The following OTUD4 variants were observed in gnomAD, a reference collection of about 807,000 sequenced individuals.
OTUD4 encodes OTU domain-containing protein 4.
OTUD4 carries 24 observed loss-of-function variants against 130.4 expected under a neutral mutation model. The ratio of observed to expected loss-of-function variants is 0.18; its 90% CI spans 0.13 to 0.26. The LOEUF is 0.26. Among genes scored for constraint, OTUD4 ranks in the 10% least tolerant of loss-of-function variants. The probability of loss-of-function intolerance (pLI) is 1.00; values close to 1 mark genes in which losing one functional copy is unlikely to be tolerated. For missense variants in OTUD4, 1,031 were observed against 1,329.4 expected (o/e 0.78, Z 3.49); for synonymous variants, 420 against 472.5 (o/e 0.89, Z 1.44).
intron 19 of OTUD4, 63 bp downstream of exon 19, chr4:145,141,316 C>T: frequency 6.9e-7 from 1 of 1,443,822 alleles, no homozygotes; most frequent in Non-Finnish European, 9.3e-7. Context: ...TACATCTCTT[C>T]ATTTCTTAAC....
intron 13 of OTUD4, chr4:145,149,441 A>C (rs1750967734): frequency 1.3e-5 from 2 of 152,224 alleles, no homozygotes; most frequent in Non-Finnish European, 2.9e-5. Context: ...CAACAGCCCC[A>C]AGAAACTAAA....
intron 1 of OTUD4, among the ~76,000 whole-genome samples, chr4:145,177,179 G>C (rs1752468186): frequency 6.6e-6 from 1 of 152,224 alleles, no homozygotes; most frequent in Admixed American, 6.5e-5. Context: ...AGTGTCATCT[G>C]ATAGGGCTTT....
At chr4:145,167,806 T>C (rs1289642041) in intron 3 of OTUD4, among the ~76,000 whole-genome samples, 1 of 152,120 alleles carries the variant, frequency 6.6e-6, no homozygotes, top group Non-Finnish European at 1.5e-5. Flanking sequence ...TGCAGTGAGC[T>C]GAGATTACAC....
chr4:145,158,537 T>C (rs2126776936), intron 7 of OTUD4, among the ~76,000 whole-genome samples: 1 of 151,510 alleles, frequency 6.6e-6, no homozygotes, highest in Admixed American at 6.6e-5. Flanking sequence ...TCAAGAGATA[T>C]ACATATATTT....
At chr4:145,172,729 G>A (rs1752238995) in intron 2 of OTUD4, among the ~76,000 whole-genome samples, 1 of 151,842 alleles carries the variant, frequency 6.6e-6, no homozygotes, top group Non-Finnish European at 1.5e-5. Context: ...ATGTCAAATT[G>A]CCAAAAATAT....
chr4:145,160,857 T>C (rs957435726), intron 6 of OTUD4, among the ~76,000 whole-genome samples: 1 of 151,194 alleles, frequency 6.6e-6, no homozygotes, highest in Non-Finnish European at 1.5e-5. Context: ...TGCCTGTAAT[T>C]CCAGCACTTT....
rs1417476248 is a variant in OTUD4, at chr4:145,180,214, C to G, written c.-241G>C. On this transcript the variant is annotated 5_prime_UTR_variant, in exon 1 of 21. Coordinates refer to ENST00000447906, the MANE Select transcript of OTUD4 (RefSeq NM_001366057.1). ...CCTCCTCGGAGCGAACACGCGCCCA[C>G]GACAAACGGGGGGAGCGGGATTAAG... 6.0e-6 allele frequency: 1 copy of G among 165,418 alleles called. No homozygotes were observed. The highest frequency in any genetic ancestry group is 6.4e-5 in the Admixed American group (1 of 15,742). 10.2% of individuals were successfully genotyped at this position (165,418 alleles called of 1,614,324 possible). A position where few individuals can be genotyped will look rare whatever the true frequency, so the allele number is the denominator to read the frequency against.
At chr4:145,147,408 T>C (rs1018465429) in intron 13 of OTUD4, among the ~76,000 whole-genome samples, 6 of 152,128 alleles carry the variant, frequency 3.9e-5, no homozygotes, top group Admixed American at 3.9e-4. Flanking sequence ...TTTAGACCAA[T>C]CCTTCCCAAA....
At position 145,144,230 on chromosome 4, in the gene OTUD4, GTTCT is replaced by G. The variant is rs543478186; in HGVS notation, c.1546+77_1546+80del. On this transcript the variant is annotated intron_variant, in intron 15 of 20. Transcript: ENST00000447906. ...TAAACTACTTAACAACTTAAAAAGGGTTCTTTCCCAAATATATGACATTAAGCCA... is the reference window on the plus strand; with the variant it reads ...TAAACTACTTAACAACTTAAAAAGGGTTCCCAAATATATGACATTAAGCCA... 474 of 1,457,536 alleles carry G rather than the reference GTTCT, an allele frequency of 3.3e-4. 1 individual carries two copies. The African/African-American group carries it at 6.0e-3, about 18-fold the overall frequency. The allele number at this position is 1,457,536 out of a possible 1,614,324, so 90.3% of individuals were successfully genotyped here.
chr4:145,142,997 C>CT (rs1420318651), intron 17 of OTUD4, among the ~76,000 whole-genome samples: 1 of 152,086 alleles, frequency 6.6e-6, no homozygotes, highest in Admixed American at 6.5e-5. Flanking sequence ...GCAGATAACT[C>CT]TTTTAAATTT....
intron 7 of OTUD4, among the ~76,000 whole-genome samples, chr4:145,158,632 C>T (rs760203189): frequency 6.6e-6 from 1 of 152,106 alleles, no homozygotes; most frequent in Non-Finnish European, 1.5e-5. Context: ...TGTAACATAC[C>T]AAGTACAATC....
At chr4:145,165,804 C>T (rs1184030285) in intron 3 of OTUD4, among the ~76,000 whole-genome samples, 1 of 152,106 alleles carries the variant, frequency 6.6e-6, no homozygotes, top group East Asian at 1.9e-4. Flanking sequence ...AAGGCAAGGG[C>T]TATCCTCCAG....
In OTUD4 at chr4:145,138,322, G is replaced by A. The variant is rs371883669; in HGVS notation, c.2453C>T (p.Thr818Ile). 60 of 1,614,016 alleles carry A rather than the reference G, an allele frequency of 3.7e-5. No homozygotes were observed. The highest frequency in any genetic ancestry group is 5.1e-5 in the Non-Finnish European group (60 of 1,180,008). Reference sequence around the variant, plus strand: ...ATCAGCATGCAGAAGCTGCCCAGGGGTCTCAGATTCAAGATCAGCCTGGTA... The same window carrying A: ...ATCAGCATGCAGAAGCTGCCCAGGGATCTCAGATTCAAGATCAGCCTGGTA... The part of the protein sequence containing the change: ...LSYQADLESE[T>I]PGQLLHADYE... Residue 818 changes from threonine (T) to isoleucine (I), a missense_variant, in exon 21 of 21, where the codon ACC (threonine) becomes ATC (isoleucine). Physicochemically the swap from Thr to Ile is moderately conservative, Grantham distance 89. Around this residue, in one of 3 missense-constraint regions of OTUD4, gnomAD observed 900 missense variants for 1,095.9 expected, o/e 0.82. Transcript: ENST00000447906.
chr4:145,142,017 A>G (rs1750589948), intron 18 of OTUD4, among the ~76,000 whole-genome samples, 179 bp downstream of exon 18: 1 of 152,222 alleles, frequency 6.6e-6, no homozygotes, highest in Non-Finnish European at 1.5e-5. Flanking sequence ...AGATGAATAC[A>G]ACACCAAATG....
chr4:145,142,354 G>T lies in OTUD4; in HGVS notation c.1684-20C>A, dbSNP rs752698450. 1 of 1,609,198 alleles carries T rather than the reference G, an allele frequency of 6.2e-7. No homozygotes were observed. The highest frequency in any genetic ancestry group is 1.1e-5 in the South Asian group (1 of 90,334). ...TGGCTTCTTCAAGAAAGGGGTGAGTGGGGGAAGACAGAAAAAGACAAGAGG... is the reference window on the plus strand; with the variant it reads ...TGGCTTCTTCAAGAAAGGGGTGAGTTGGGGAAGACAGAAAAAGACAAGAGG... On this transcript the variant is annotated intron_variant, in intron 17 of 20. Transcript: ENST00000447906.
intron 3 of OTUD4, among the ~76,000 whole-genome samples, chr4:145,167,889 C>T (rs1367844427): frequency 6.6e-6 from 1 of 151,868 alleles, no homozygotes; most frequent in Non-Finnish European, 1.5e-5. Flanking sequence ...AAATTCTATC[C>T]ATCTCAACAA....
In OTUD4 at chr4:145,143,401, C is replaced by T; in HGVS notation, c.1647G>A (p.Lys549=). The change falls in exon 17 of 21, where the codon AAG becomes AAA. Residue 549 remains lysine (K), a synonymous_variant. Transcript: ENST00000447906. The stretch of plus-strand genomic sequence containing the variant: ...GAGAAGGGCACTCTAACTTCTTTGA[C>T]TTTGATGGTGATGAAACTGTTGCAT... ...DKYATVSSPS[K]SKKLECPSPA... The T allele has an allele frequency of 6.2e-7, 1 of 1,611,572 alleles. No homozygotes were observed. Among genetic ancestry groups the T allele is most frequent in the Non-Finnish European group, 8.5e-7 (1 of 1,178,012 alleles).
chr4:145,147,279 C>A (rs1242693236), intron 13 of OTUD4, among the ~76,000 whole-genome samples: 1 of 152,000 alleles, frequency 6.6e-6, no homozygotes. Flanking sequence ...AAATAAATAG[C>A]CATTTCATGT....
chr4:145,143,184 G>C (rs926699652), intron 17 of OTUD4, among the ~76,000 whole-genome samples, 181 bp downstream of exon 17: 3 of 152,052 alleles, frequency 2.0e-5, no homozygotes, highest in Non-Finnish European at 4.4e-5. Flanking sequence ...TCCATAAATA[G>C]AGAACATTCT....
Sources: gnomAD v4.1 joint callset for allele counts (sites outside exome capture counted in the v4.1 genomes callset) on GRCh38, gnomAD v4.1.1 for gene constraint, gnomAD v4.1.1 regional missense constraint, MANE v1.5 for transcripts, NCBI Gene and HGNC (gene_info 2026-07-23, HGNC 2026-07-21) for gene names.